KLHL13: variants seen among roughly 807,000 people sequenced by gnomAD.
The protein encoded by KLHL13 is kelch-like protein 13.
KLHL13 carries 10 observed loss-of-function variants against 37.1 expected under a neutral mutation model. The ratio of observed to expected loss-of-function variants is 0.27; its 90% CI spans 0.17 to 0.46. The LOEUF is 0.46. Among genes scored for constraint, KLHL13 ranks in the 20% least tolerant of loss-of-function variants. The pLI is 1.00. For missense variants in KLHL13, 360 were observed against 509.3 expected, an observed-to-expected ratio of 0.71 and a Z score of 2.82; for synonymous variants, 163 against 181.2, an observed-to-expected ratio of 0.90 and a Z score of 0.81.
chrX:118,043,810 G>T (rs749512295), intron 1 of KLHL13, among the ~76,000 whole-genome samples: 2 of 111,895 alleles, frequency 1.8e-5, no homozygotes, highest in East Asian at 5.6e-4. Context: ...AAAACTGAAA[G>T]CCTTTCTTCT....
intron 1 of KLHL13, among the ~76,000 whole-genome samples, chrX:118,055,859 A>G (rs2054679157): frequency 8.9e-6 from 1 of 112,000 alleles, no homozygotes; most frequent in Non-Finnish European, 1.9e-5. Flanking sequence ...TAGGAACAAA[A>G]CAAGGATGTC....
chrX:118,004,573 C>G (rs188341181), intron 1 of KLHL13, among the ~76,000 whole-genome samples: 3 of 111,313 alleles, frequency 2.7e-5, no homozygotes, highest in Non-Finnish European at 5.7e-5. Context: ...AATATGAGAC[C>G]ATTTGGCATC....
chrX:117,911,265 T>A (rs1038476398), intron 4 of KLHL13, among the ~76,000 whole-genome samples: 2 of 111,787 alleles, frequency 1.8e-5, no homozygotes, highest in African/African-American at 6.5e-5. Context: ...GAAAATAAAA[T>A]AATCCTCCTG....
At chrX:117,941,744 C>A (rs187211058) in intron 2 of KLHL13, among the ~76,000 whole-genome samples, 29 of 111,225 alleles carry the variant, frequency 2.6e-4, no homozygotes, top group African/African-American at 9.5e-4. Flanking sequence ...ATTAATCTGG[C>A]TAGCGGTCTA....
intron 2 of KLHL13, among the ~76,000 whole-genome samples, chrX:117,941,124 A>G (rs748624165): frequency 2.3e-4 from 26 of 111,582 alleles, no homozygotes; most frequent in Non-Finnish European, 4.5e-4. Context: ...TTACATCAAT[A>G]CCTAGTTTAT....
intron 5 of KLHL13, among the ~76,000 whole-genome samples, chrX:117,903,173 G>GAGCGAGAGA (rs1491190040): frequency 4.1e-5 from 4 of 96,705 alleles, no homozygotes; most frequent in African/African-American, 1.8e-4. Flanking sequence ...GAGAGAGAGA[G>GAGCGAGAGA]GAGAGCGAGA....
At chrX:118,105,369 C>T (rs142980980) in intron 1 of KLHL13, among the ~76,000 whole-genome samples, 4,212 of 112,530 alleles carry the variant, frequency 0.037, 83 homozygotes, top group Non-Finnish European at 0.06. Context: ...ATGGATTTTA[C>T]TCCTAGTTCT....
chrX:118,075,478 T>C (rs2054920087), intron 1 of KLHL13, among the ~76,000 whole-genome samples: 1 of 111,314 alleles, frequency 9.0e-6, no homozygotes, highest in South Asian at 3.8e-4. Flanking sequence ...AACTAAAGAA[T>C]CTGAACTAAG....
At chrX:118,024,990 G>T (rs1014395914) in intron 1 of KLHL13, among the ~76,000 whole-genome samples, 3 of 111,998 alleles carry the variant, frequency 2.7e-5, no homozygotes, top group Non-Finnish European at 5.6e-5. Flanking sequence ...CTATCAACAG[G>T]AAAATAGATA....
chrX:117,914,350 T>C (rs1260373679), intron 4 of KLHL13: 2 of 110,823 alleles, frequency 1.8e-5, no homozygotes, highest in African/African-American at 6.6e-5. Context: ...CCAGCCAGTA[T>C]CTGCTTTTGT....
chrX:118,008,387 T>C (rs1340797803), intron 1 of KLHL13, among the ~76,000 whole-genome samples: 1 of 112,062 alleles, frequency 8.9e-6, no homozygotes, highest in East Asian at 2.8e-4. Flanking sequence ...TAGCTTGGCC[T>C]TAGGGTAAAC....
At chrX:118,052,521 C>CA (rs34474188) in intron 1 of KLHL13, among the ~76,000 whole-genome samples, 3,871 of 65,196 alleles carry the variant, frequency 0.059, 219 homozygotes, top group African/African-American at 0.16. Flanking sequence ...GACTCCGTCT[C>CA]AAAAAAAAAA....
chrX:118,095,229 G>A (rs2055189790), intron 1 of KLHL13, among the ~76,000 whole-genome samples: 1 of 110,367 alleles, frequency 9.1e-6, no homozygotes, highest in Non-Finnish European at 1.9e-5. Context: ...AAAAAAGGCA[G>A]GGGTTGCAAT....
chrX:118,095,456 C>T (rs2055193940), intron 1 of KLHL13, among the ~76,000 whole-genome samples: 2 of 108,114 alleles, frequency 1.8e-5, no homozygotes, highest in Non-Finnish European at 3.9e-5. Flanking sequence ...ACTTTAACAC[C>T]CCACTGTCAA....
intron 1 of KLHL13, among the ~76,000 whole-genome samples, chrX:118,033,139 G>A (rs1189559209): frequency 9.0e-6 from 1 of 111,245 alleles, no homozygotes. Flanking sequence ...AGTGAGGGGG[G>A]GGAATGGAAC....
chrX:118,112,900 G>A (rs1330236809), intron 1 of KLHL13, among the ~76,000 whole-genome samples: 1 of 111,952 alleles, frequency 8.9e-6, no homozygotes, highest in Non-Finnish European at 1.9e-5. Flanking sequence ...AGAGGCAACA[G>A]GTAAAAGAAA....
chrX:117,931,708 T>C (rs1932463010), intron 2 of KLHL13, among the ~76,000 whole-genome samples: 1 of 112,146 alleles, frequency 8.9e-6, no homozygotes, highest in African/African-American at 3.2e-5. Flanking sequence ...GCAAGACTAG[T>C]AGAAATAAAA....
intron 1 of KLHL13, among the ~76,000 whole-genome samples, chrX:117,956,360 G>C (rs985036147): frequency 8.9e-6 from 1 of 111,779 alleles, no homozygotes; most frequent in Non-Finnish European, 1.9e-5. Context: ...TTAGGGGTAA[G>C]ATGTTTATTT....
intron 1 of KLHL13, among the ~76,000 whole-genome samples, chrX:118,056,719 C>T (rs1019173888): frequency 9.0e-6 from 1 of 110,947 alleles, no homozygotes; most frequent in African/African-American, 3.3e-5. Flanking sequence ...TGGTAATAGG[C>T]CTTTAGAAGC....
Sources: allele counts gnomAD v4.1 joint callset (sites outside exome capture counted in the v4.1 genomes callset), GRCh38; gene constraint gnomAD v4.1.1; transcripts MANE v1.5; gene names NCBI Gene and HGNC (gene_info 2026-07-23, HGNC 2026-07-21).